The following CSMD1 variants were observed in gnomAD, a reference collection of about 807,000 sequenced individuals.
The protein encoded by CSMD1 is CUB and Sushi multiple domains 1.
CSMD1 carries 213 observed loss-of-function variants against 417.5 expected under a neutral mutation model. The ratio of observed to expected loss-of-function variants is 0.51; its 90% CI spans 0.46 to 0.57. The LOEUF is 0.57. Among genes scored for constraint, CSMD1 ranks in the 20% least tolerant of loss-of-function variants. CSMD1 has a pLI of 0.00. For synonymous variants in CSMD1, 2,862 were observed against 1,736.8 expected (o/e 1.65, Z -16.11); for missense variants, 6,923 against 4,529.7 (o/e 1.53, Z -15.17).
intron 3 of CSMD1, among the ~76,000 whole-genome samples, chr8:4,320,208 C>G (rs891560051): frequency 6.6e-6 from 1 of 152,086 alleles, no homozygotes; most frequent in Non-Finnish European, 1.5e-5. Flanking sequence ...TGTGTGATAT[C>G]TCGCATCTAA....
intron 3 of CSMD1, among the ~76,000 whole-genome samples, chr8:4,321,073 T>G (rs1201920710): frequency 6.6e-6 from 1 of 152,182 alleles, no homozygotes; most frequent in African/African-American, 2.4e-5. Flanking sequence ...TTATGAAGTC[T>G]TGTCATACGC....
At chr8:3,244,144 A>T (rs1015055043) in intron 26 of CSMD1, among the ~76,000 whole-genome samples, 2 of 152,248 alleles carry the variant, frequency 1.3e-5, no homozygotes, top group African/African-American at 4.8e-5. Flanking sequence ...CAACACGTGA[A>T]GGAAAGCTGT....
chr8:3,567,402 T>A (rs1799759591), intron 10 of CSMD1, among the ~76,000 whole-genome samples: 1 of 150,924 alleles, frequency 6.6e-6, no homozygotes, highest in African/African-American at 2.4e-5. Flanking sequence ...TGCATGTGTA[T>A]CCCTTAACCT....
chr8:3,945,442 T>A (rs549319556), intron 5 of CSMD1, among the ~76,000 whole-genome samples: 2 of 152,248 alleles, frequency 1.3e-5, no homozygotes, highest in African/African-American at 4.8e-5. Context: ...TTCAATAGTC[T>A]AACTGCTAAT....
In CSMD1 at chr8:2,982,876, T is replaced by C. The variant is rs559387630; in HGVS notation, c.8378-4076A>G. Among the ~76,000 whole-genome samples the C allele has an allele frequency of 6.6e-5, 10 of 152,302 alleles. No individual in the cohort carries two copies. The South Asian group carries it at 1.9e-3, about 28-fold the overall frequency. The stretch of plus-strand genomic sequence containing the variant: ...GTTGATCAATAGAAACGAAGCCACC[T>C]GTCTGCACGCTGGTCTCTTATAGGC... On this transcript the variant is annotated intron_variant, in intron 54 of 69. Coordinates refer to ENST00000635120, the MANE Select transcript of CSMD1 (RefSeq NM_033225.6).
intron 1 of CSMD1, among the ~76,000 whole-genome samples, chr8:4,734,211 A>G (rs1352415190): frequency 1.3e-5 from 2 of 152,196 alleles, no homozygotes; most frequent in Non-Finnish European, 2.9e-5. Context: ...ATTCCCCTGC[A>G]TGGTATAAGG....
chr8:3,741,874 G>A (rs1796823539), intron 6 of CSMD1, among the ~76,000 whole-genome samples: 2 of 151,972 alleles, frequency 1.3e-5, no homozygotes, highest in Admixed American at 6.5e-5. Context: ...AAAGGTAAAG[G>A]TTCCAATTCC....
intron 54 of CSMD1, among the ~76,000 whole-genome samples, chr8:2,991,498 G>A (rs1250700184): frequency 6.6e-6 from 1 of 152,104 alleles, no homozygotes; most frequent in Non-Finnish European, 1.5e-5. Context: ...TAAGACTTTT[G>A]AAAAATCTCA....
At chr8:3,695,833 ATT>A (rs1800523969) in intron 7 of CSMD1, among the ~76,000 whole-genome samples, 1 of 152,180 alleles carries the variant, frequency 6.6e-6, no homozygotes, top group African/African-American at 2.4e-5. Flanking sequence ...AAATAGCATT[ATT>A]TGTTTCATTT....
chr8:4,478,224 A>G (rs1800904730), intron 2 of CSMD1, among the ~76,000 whole-genome samples: 1 of 152,192 alleles, frequency 6.6e-6, no homozygotes, highest in African/African-American at 2.4e-5. Flanking sequence ...ACTTCATGTT[A>G]ATACTGAAAA....
chr8:4,457,877 G>C (rs1799581930), intron 2 of CSMD1, among the ~76,000 whole-genome samples: 1 of 152,216 alleles, frequency 6.6e-6, no homozygotes, highest in African/African-American at 2.4e-5. Context: ...GGGACAGCTT[G>C]ATGCAGCACC....
intron 3 of CSMD1, among the ~76,000 whole-genome samples, chr8:4,217,436 G>C (rs1283460577): frequency 2.0e-5 from 3 of 152,032 alleles, no homozygotes; most frequent in South Asian, 2.1e-4. Context: ...GGTGATATAA[G>C]ACACGTTATA....
rs564568920 is a variant in CSMD1 at position 4,897,862 on chromosome 8, T to C, written c.85+96470A>G. On this transcript the variant is annotated intron_variant, in intron 1 of 69. Coordinates refer to ENST00000635120, the MANE Select transcript of CSMD1 (RefSeq NM_033225.6). ...GCTAAGAAGAGAAAGGCAATCTAGATTTTGTAGTCTCTACATTACATCGTA... is the reference window on the plus strand; with the variant it reads ...GCTAAGAAGAGAAAGGCAATCTAGACTTTGTAGTCTCTACATTACATCGTA... 1.7e-3 allele frequency among the ~76,000 whole-genome samples: 265 copies of C among 152,198 alleles called. 3 individuals are homozygous for C. Among genetic ancestry groups the C allele is most frequent in the African/African-American group, 5.9e-3 (244 of 41,492 alleles).
intron 2 of CSMD1, among the ~76,000 whole-genome samples, chr8:4,449,124 A>T (rs946833492): frequency 6.6e-6 from 1 of 152,218 alleles, no homozygotes; most frequent in African/African-American, 2.4e-5. Flanking sequence ...AAAACAAGCT[A>T]ATGAAGTCTA....
intron 7 of CSMD1, among the ~76,000 whole-genome samples, chr8:3,668,702 C>T (rs1299951507): frequency 1.3e-5 from 2 of 152,108 alleles, no homozygotes; most frequent in African/African-American, 4.8e-5. Flanking sequence ...GAAGTCTAGA[C>T]ACAGAGATGG....
chr8:3,599,139 G>A (rs1255441910), intron 8 of CSMD1, among the ~76,000 whole-genome samples: 2 of 141,796 alleles, frequency 1.4e-5, no homozygotes, highest in African/African-American at 6.0e-5. Context: ...GTGTGTGTGT[G>A]TGTGTGTGTG....
intron 56 of CSMD1, among the ~76,000 whole-genome samples, chr8:2,973,611 G>T (rs1804651645): frequency 6.6e-6 from 1 of 151,194 alleles, no homozygotes. Context: ...TCACTGAAAA[G>T]GTAGGTAGAG....
chr8:4,498,522 A>G (rs952581725), intron 2 of CSMD1, among the ~76,000 whole-genome samples: 29 of 152,264 alleles, frequency 1.9e-4, no homozygotes, highest in African/African-American at 6.7e-4. Context: ...ATTAAATTGA[A>G]TTTTAGGGAG....
At chr8:4,955,456 C>CTT (rs373701682) in intron 1 of CSMD1, among the ~76,000 whole-genome samples, 128 of 145,356 alleles carry the variant, frequency 8.8e-4, no homozygotes, top group African/African-American at 3.0e-3. Flanking sequence ...TCTCACCTCT[C>CTT]TTTTTTTTTT....
Sources: gnomAD v4.1 joint callset for allele counts (sites outside exome capture counted in the v4.1 genomes callset) on GRCh38, gnomAD v4.1.1 for gene constraint, MANE v1.5 for transcripts, NCBI Gene and HGNC (gene_info 2026-07-23, HGNC 2026-07-21) for gene names.